Variants in CHST11 observed in about 807,000 individuals in gnomAD.
CHST11 encodes carbohydrate sulfotransferase 11.
A neutral mutation model predicts 30.4 loss-of-function variants in CHST11; 9 were observed. The observed-to-expected ratio is 0.30, with a 90% CI of 0.18 to 0.52. The LOEUF is 0.52. CHST11 is among the 20% of genes least tolerant of loss of function. The probability of loss-of-function intolerance (pLI) is 0.97; values close to 1 mark genes in which losing one functional copy is unlikely to be tolerated. For synonymous variants in CHST11, 152 were observed against 187.8 expected (o/e 0.81, Z 1.56); for missense variants, 348 against 460.6 (o/e 0.76, Z 2.24).
intron 2 of CHST11, among the ~76,000 whole-genome samples, chr12:104,738,985 A>G (rs2040325332): frequency 6.6e-6 from 1 of 152,202 alleles, no homozygotes; most frequent in Non-Finnish European, 1.5e-5. Context: ...AAGACGGAGG[A>G]CCAGGCTGGG....
intron 1 of CHST11, among the ~76,000 whole-genome samples, chr12:104,541,658 C>G (rs1259033827): frequency 6.6e-6 from 1 of 152,158 alleles, no homozygotes; most frequent in African/African-American, 2.4e-5. Flanking sequence ...TTTAGAGACT[C>G]TCTTGCTTTG....
chr12:104,757,548 C>T lies in CHST11; in HGVS notation c.804C>T (p.Pro268=). Residue 268 remains proline, a synonymous_variant, in exon 3 of 3, where the codon CCC becomes CCT. Coordinates refer to ENST00000303694, the MANE Select transcript of CHST11 (RefSeq NM_018413.6). This position sits in a 1 kb window ranked among gnomAD's most constrained non-coding sequence, Gnocchi z 6.5. Reference sequence around the variant, plus strand: ...AAACCGTCTACTCACTCTGCCATCCCTGCCACATCCACTATGACCTCGTGG... The same window carrying T: ...AAACCGTCTACTCACTCTGCCATCCTTGCCACATCCACTATGACCTCGTGG... ...HWQTVYSLCH[P]CHIHYDLVGK... is the part of the protein sequence containing the mutation. 6.2e-7 allele frequency: 1 copy of T among 1,614,184 alleles called. No homozygotes were observed. The highest frequency in any genetic ancestry group is 1.1e-5 in the South Asian group (1 of 91,080).
chr12:104,752,192 G>A lies in CHST11; in HGVS notation c.205-4757G>A, dbSNP rs115267597. 3.8e-3 allele frequency among the ~76,000 whole-genome samples: 576 copies of A among 152,248 alleles called. 6 individuals are homozygous for A. Among genetic ancestry groups the A allele is most frequent in the African/African-American group, 0.014 (562 of 41,530 alleles). On this transcript the variant is annotated intron_variant, in intron 2 of 2. Transcript: ENST00000303694. Reference sequence around the variant, plus strand: ...TCTTCCCAGCTGCTGGTGGTGGCCGGCAGTCCTTGGCATTTTTTGGCCTGG... The same window carrying A: ...TCTTCCCAGCTGCTGGTGGTGGCCGACAGTCCTTGGCATTTTTTGGCCTGG...
At chr12:104,672,310 G>A (rs1015522785) in intron 2 of CHST11, among the ~76,000 whole-genome samples, 3 of 152,088 alleles carry the variant, frequency 2.0e-5, no homozygotes, top group African/African-American at 7.2e-5. Flanking sequence ...TGTGTGTGCA[G>A]GACTCCATTA....
At chr12:104,557,931 A>G (rs1029897375) in intron 1 of CHST11, among the ~76,000 whole-genome samples, 1 of 151,918 alleles carries the variant, frequency 6.6e-6, no homozygotes, top group African/African-American at 2.4e-5. Context: ...AGAGGCAGGA[A>G]AGCAGGGGAT....
At chr12:104,603,151 C>CA (rs2038973141) in intron 2 of CHST11, among the ~76,000 whole-genome samples, 2 of 152,098 alleles carry the variant, frequency 1.3e-5, no homozygotes, top group East Asian at 3.9e-4. Flanking sequence ...CTTTGGTGCC[C>CA]AAAAAATCTC....
At chr12:104,703,682 G>T (rs1417131521) in intron 2 of CHST11, among the ~76,000 whole-genome samples, 1 of 151,772 alleles carries the variant, frequency 6.6e-6, no homozygotes, top group Non-Finnish European at 1.5e-5. Context: ...GAGCCTCCTT[G>T]TGGCCTGTGA....
intron 2 of CHST11, among the ~76,000 whole-genome samples, chr12:104,645,238 C>T (rs1278511086): frequency 2.0e-5 from 3 of 152,210 alleles, no homozygotes; most frequent in African/African-American, 2.4e-5. Flanking sequence ...TGAGCCACCA[C>T]GCCCGGCCTT....
chr12:104,584,254 CT>C (rs1281814061), intron 1 of CHST11, among the ~76,000 whole-genome samples: 3 of 111,614 alleles, frequency 2.7e-5, no homozygotes, highest in African/African-American at 1.1e-4. Context: ...TTTTCTTTCT[CT>C]TTCTTCTTTT....
intron 1 of CHST11, among the ~76,000 whole-genome samples, chr12:104,522,413 T>C (rs886416877): frequency 1.3e-5 from 2 of 152,222 alleles, no homozygotes; most frequent in African/African-American, 4.8e-5. Flanking sequence ...TGGGTCTTCA[T>C]GTGGAGGTCC....
At position 104,548,086 on chromosome 12, in the gene CHST11, G is replaced by A. The variant is rs777012779; in HGVS notation, c.119-53820G>A. 7.9e-5 allele frequency among the ~76,000 whole-genome samples: 12 copies of A among 152,272 alleles called. 1 individual carries two copies. Among genetic ancestry groups the A allele is most frequent in the South Asian group, 4.1e-4 (2 of 4,826 alleles). ...GGCCTTCTGTTACTTGTAACCAAACGTATCTTAATTGATGCAGGCTTGTTG... is the reference window on the plus strand; with the variant it reads ...GGCCTTCTGTTACTTGTAACCAAACATATCTTAATTGATGCAGGCTTGTTG... On this transcript the variant is annotated intron_variant, in intron 1 of 2. Coordinates refer to ENST00000303694, the MANE Select transcript of CHST11 (RefSeq NM_018413.6).
chr12:104,570,464 C>G (rs1328324327), intron 1 of CHST11, among the ~76,000 whole-genome samples: 3 of 152,232 alleles, frequency 2.0e-5, no homozygotes, highest in Middle Eastern at 3.4e-3. Flanking sequence ...ATCTATGCCT[C>G]TCTCTGAAAT....
intron 2 of CHST11, among the ~76,000 whole-genome samples, chr12:104,733,215 G>A (rs933459438): frequency 6.6e-6 from 1 of 152,226 alleles, no homozygotes; most frequent in African/African-American, 2.4e-5. Context: ...AGCTGTGGAG[G>A]GCATGAGGCC....
chr12:104,577,636 G>C (rs2038698575), intron 1 of CHST11, among the ~76,000 whole-genome samples: 1 of 152,160 alleles, frequency 6.6e-6, no homozygotes, highest in Admixed American at 6.5e-5. Context: ...TTCATTGTCT[G>C]GTCAATGCCA....
At chr12:104,673,445 G>A (rs2039714151) in intron 2 of CHST11, among the ~76,000 whole-genome samples, 1 of 152,218 alleles carries the variant, frequency 6.6e-6, no homozygotes, top group Admixed American at 6.5e-5. Flanking sequence ...ACTTGGACAA[G>A]TAACTTACCC....
At chr12:104,517,573 C>T (rs1219114478) in intron 1 of CHST11, among the ~76,000 whole-genome samples, 1 of 152,164 alleles carries the variant, frequency 6.6e-6, no homozygotes, top group East Asian at 1.9e-4. Flanking sequence ...GGGTCTGATC[C>T]TGCATTTGTA....
intron 1 of CHST11, among the ~76,000 whole-genome samples, chr12:104,471,320 T>C (rs2037507149): frequency 6.6e-6 from 1 of 152,242 alleles, no homozygotes; most frequent in Admixed American, 6.5e-5. Flanking sequence ...AAAGAAGGAA[T>C]ACACTGATGG....
At chr12:104,544,162 G>A (rs200317523) in intron 1 of CHST11, among the ~76,000 whole-genome samples, 4 of 32,084 alleles carry the variant, frequency 1.2e-4, no homozygotes, top group African/African-American at 3.0e-4. Flanking sequence ...AAGAAAGAAA[G>A]AAAGAAAGAA....
chr12:104,608,305 G>A (rs992071751), intron 2 of CHST11, among the ~76,000 whole-genome samples: 46 of 152,172 alleles, frequency 3.0e-4, no homozygotes, highest in African/African-American at 1.1e-3. Context: ...GATAAGCTAT[G>A]TATCTGCCTT....
Sources: gnomAD v4.1 joint callset for allele counts (sites outside exome capture counted in the v4.1 genomes callset) on GRCh38, gnomAD v4.1.1 for gene constraint, Gnocchi (gnomAD v3.1) non-coding constraint, MANE v1.5 for transcripts, NCBI Gene and HGNC (gene_info 2026-07-23, HGNC 2026-07-21) for gene names.